HMCN1: variants seen among roughly 807,000 people sequenced by gnomAD.
HMCN1 encodes the protein hemicentin 1, also known as hemicentin-1.
Under a neutral mutation model 625.9 loss-of-function variants are expected in HMCN1, and 321 were observed. The ratio of observed to expected loss-of-function variants is 0.51; its 90% CI spans 0.47 to 0.56. The LOEUF (loss-of-function observed/expected upper bound fraction) is 0.56. Ranked by LOEUF, HMCN1 falls within the 20% of genes least tolerant of loss-of-function variation. The pLI is 0.00. For synonymous variants in HMCN1, 2,425 were observed against 2,417.6 expected (o/e 1.00, Z -0.09); for missense variants, 6,588 against 6,887.3 (o/e 0.96, Z 1.54).
rs1558232619 is a variant in HMCN1 at position 186,112,829 on chromosome 1, A to G, written c.11007A>G (p.Arg3669=). Residue 3669 remains arginine (R), a synonymous_variant, in exon 72 of 107, where the codon CGA becomes CGG. Coordinates refer to ENST00000271588, the MANE Select transcript of HMCN1 (RefSeq NM_031935.3). ...GERLQATPRV[R]ILSGGRYLQI... ...GAATCCAGGCAACACCTCGAGTGCGAATCCTATCTGGAGGGAGATACTTGC... is the reference window on the plus strand; with the variant it reads ...GAATCCAGGCAACACCTCGAGTGCGGATCCTATCTGGAGGGAGATACTTGC... 1 of 1,614,198 alleles carries G rather than the reference A, an allele frequency of 6.2e-7. No homozygotes were observed.
intron 11 of HMCN1, among the ~76,000 whole-genome samples, chr1:185,959,683 G>T (rs895947549): frequency 6.6e-6 from 1 of 152,040 alleles, no homozygotes; most frequent in Non-Finnish European, 1.5e-5. Flanking sequence ...GATGATGGTG[G>T]TGATATGAGA....
At chr1:185,823,542 A>C (rs1660328484) in intron 1 of HMCN1, among the ~76,000 whole-genome samples, 2 of 152,152 alleles carry the variant, frequency 1.3e-5, no homozygotes, top group South Asian at 4.1e-4. Flanking sequence ...TTTACTACAG[A>C]CTTCTGACAA....
intron 104 of HMCN1, among the ~76,000 whole-genome samples, chr1:186,181,444 T>C (rs555164896): frequency 1.6e-4 from 24 of 152,176 alleles, no homozygotes; most frequent in Non-Finnish European, 3.4e-4. Flanking sequence ...CTTTATAGAC[T>C]ACTTTCCCAC....
intron 6 of HMCN1, among the ~76,000 whole-genome samples, chr1:185,918,602 A>G (rs1336650275): frequency 6.6e-6 from 1 of 152,142 alleles, no homozygotes; most frequent in Non-Finnish European, 1.5e-5. Context: ...TTAACGTATC[A>G]CTAGTATAAC....
chr1:186,137,191 C>A (rs1036458539), intron 87 of HMCN1, among the ~76,000 whole-genome samples: 3 of 152,078 alleles, frequency 2.0e-5, no homozygotes, highest in Admixed American at 1.3e-4. Flanking sequence ...TCTTAGAAAT[C>A]AATGTATATG....
At chr1:185,835,083 G>T (rs945227084) in intron 1 of HMCN1, among the ~76,000 whole-genome samples, 2 of 152,230 alleles carry the variant, frequency 1.3e-5, no homozygotes, top group East Asian at 3.9e-4. Context: ...TAAAACACAG[G>T]TCAATTACTG....
At chr1:186,178,959 A>C (rs1379284775) in intron 104 of HMCN1, among the ~76,000 whole-genome samples, 193 bp downstream of exon 104, 6 of 152,228 alleles carry the variant, frequency 3.9e-5, no homozygotes, top group African/African-American at 1.4e-4. Flanking sequence ...ATGGATTTAC[A>C]TGTGGGCATT....
At chr1:185,869,927 T>C (rs1241682532) in intron 4 of HMCN1, among the ~76,000 whole-genome samples, 1 of 152,086 alleles carries the variant, frequency 6.6e-6, no homozygotes. Context: ...TGTTATATTT[T>C]ACTCTCTTAA....
Position 186,130,572 on chromosome 1 carries a change from C to G in HMCN1, c.13105C>G (p.Leu4369Val). The change falls in exon 85 of 107, where the codon CTG becomes GTG. Residue 4369 changes from leucine to valine, a missense_variant. Around this residue, in one of 3 missense-constraint regions of HMCN1, gnomAD observed 1,954 missense variants for 2,013.1 expected, o/e 0.97. Transcript: ENST00000271588. The part of the protein sequence containing the change: ...WIEPLGGNAI[L>V]NCEVKGDPTP... ...TGAACCACTTGGTGGGAATGCAATCCTGAATTGTGAGGTGAAAGGAGACCC... is the reference window on the plus strand; with the variant it reads ...TGAACCACTTGGTGGGAATGCAATCGTGAATTGTGAGGTGAAAGGAGACCC... The G allele has an allele frequency of 6.2e-7, 1 of 1,613,518 alleles. No homozygotes were observed. The highest frequency in any genetic ancestry group is 8.5e-7 in the Non-Finnish European group (1 of 1,179,638).
chr1:186,089,807 T>G (rs1659738017), intron 63 of HMCN1, among the ~76,000 whole-genome samples: 1 of 151,924 alleles, frequency 6.6e-6, no homozygotes, highest in Admixed American at 6.6e-5. Context: ...TTGACTCAAC[T>G]TCTTTAGTAC....
chr1:185,901,924 G>A (rs1397348542), intron 4 of HMCN1, among the ~76,000 whole-genome samples: 4 of 151,640 alleles, frequency 2.6e-5, no homozygotes. Flanking sequence ...GGACTAATAG[G>A]ATTTCTACAT....
chr1:185,931,705 C>T (rs1039260649), intron 10 of HMCN1, among the ~76,000 whole-genome samples: 2 of 151,978 alleles, frequency 1.3e-5, no homozygotes, highest in African/African-American at 4.8e-5. Flanking sequence ...CAGGGAGGGC[C>T]CTGAATTGAG....
In HMCN1 at chr1:185,865,320, A is replaced by G. The variant is rs148196272; in HGVS notation, c.499-421A>G. On this transcript the variant is annotated intron_variant, in intron 3 of 106. Coordinates refer to ENST00000271588, the MANE Select transcript of HMCN1 (RefSeq NM_031935.3). ...TAGAATGTCATTTTTGCCTCATGCTATTGGCCAAAGGAAGTCACATGGACA... is the reference window on the plus strand; with the variant it reads ...TAGAATGTCATTTTTGCCTCATGCTGTTGGCCAAAGGAAGTCACATGGACA... Among the ~76,000 whole-genome samples the G allele has an allele frequency of 7.0e-3, 1,061 of 151,840 alleles. 8 individuals carry two copies. Among genetic ancestry groups the G allele is most frequent in the Admixed American group, 0.012 (186 of 15,258 alleles).
intron 1 of HMCN1, among the ~76,000 whole-genome samples, chr1:185,749,200 G>A (rs1171966386): frequency 6.6e-6 from 1 of 152,166 alleles, no homozygotes; most frequent in African/African-American, 2.4e-5. Flanking sequence ...ATGTTTCAGT[G>A]AGACTATATA....
intron 30 of HMCN1, among the ~76,000 whole-genome samples, chr1:186,012,105 C>T (rs1014242114): frequency 2.1e-5 from 3 of 140,774 alleles, no homozygotes; most frequent in Non-Finnish European, 3.2e-5. Context: ...CCATTTAACA[C>T]TACTGGTTCA....
At chr1:185,800,492 C>T (rs1658722208) in intron 1 of HMCN1, among the ~76,000 whole-genome samples, 1 of 152,040 alleles carries the variant, frequency 6.6e-6, no homozygotes, top group African/African-American at 2.4e-5. Context: ...ATAATTTCCC[C>T]CTCTGTAAAT....
At chr1:186,042,153 C>T (rs575300403) in intron 40 of HMCN1, among the ~76,000 whole-genome samples, 14 of 152,254 alleles carry the variant, frequency 9.2e-5, no homozygotes, top group Non-Finnish European at 1.6e-4. Flanking sequence ...TGTTCCCTTT[C>T]TTTTCTGTTG....
At chr1:185,982,441 CT>C (rs71663134) in intron 18 of HMCN1, 52 bp downstream of exon 18, 86,666 of 1,159,388 alleles carry the variant, frequency 0.075, 1 homozygote, top group East Asian at 0.088. Context: ...GTTTTCTTTT[CT>C]TTTTTTTTTT....
intron 30 of HMCN1, 123 bp from the exon 31 acceptor site, chr1:186,015,036 C>A: frequency 1.2e-6 from 1 of 846,834 alleles, no homozygotes; most frequent in Non-Finnish European, 1.9e-6. Context: ...GGAGATAAAC[C>A]ACAGACTTCC....
Sources: allele counts gnomAD v4.1 joint callset (sites outside exome capture counted in the v4.1 genomes callset), GRCh38; gene constraint gnomAD v4.1.1; regional missense constraint gnomAD v4.1.1; transcripts MANE v1.5; gene names NCBI Gene and HGNC (gene_info 2026-07-23, HGNC 2026-07-21).